KALRN: variants seen among roughly 807,000 people sequenced by gnomAD.
KALRN encodes kalirin RhoGEF kinase, also known as kalirin.
A neutral mutation model predicts 353.7 loss-of-function variants in KALRN; 70 were observed. The observed-to-expected ratio is 0.20, with a 90% CI of 0.16 to 0.24. The LOEUF (loss-of-function observed/expected upper bound fraction) is 0.24, where lower values mean the gene tolerates loss of function less well. KALRN is among the 10% of genes least tolerant of loss of function. The probability of loss-of-function intolerance (pLI) is 1.00; values close to 1 mark genes in which losing one functional copy is unlikely to be tolerated. For synonymous variants in KALRN, 1,391 were observed against 1,434.8 expected (o/e 0.97, Z 0.69); for missense variants, 2,791 against 3,756.7 (o/e 0.74, Z 6.72).
intron 59 of KALRN, 32 bp downstream of exon 59, chr3:124,717,417 TG>T (rs2063184532): frequency 1.3e-6 from 2 of 1,538,298 alleles, no homozygotes; most frequent in Non-Finnish European, 8.8e-7. Context: ...CTGGGCGCAG[TG>T]GCTCACGCCT....
chr3:124,153,371 C>T lies in KALRN; in HGVS notation c.74-74619C>T, dbSNP rs1266182681. 7.4e-5 allele frequency among the ~76,000 whole-genome samples: 11 copies of T among 147,944 alleles called. No individual in the cohort carries two copies. In the South Asian group the frequency reaches 1.6e-3, roughly 21 times the overall value. On this transcript the variant is annotated intron_variant, in intron 1 of 59. Coordinates refer to ENST00000682506, the MANE Select transcript of KALRN (RefSeq NM_001388419.1). ...CTATGAGTGAGAACATGCGGTGTTT[C>T]GTTTTTTGTCCTTGCGATAGTTTAC...
intron 34 of KALRN, among the ~76,000 whole-genome samples, chr3:124,613,739 A>G (rs2149586655): frequency 6.6e-6 from 1 of 152,302 alleles, no homozygotes; most frequent in African/African-American, 2.4e-5. Flanking sequence ...CTCATCACCT[A>G]CTTGCCATTT....
intron 48 of KALRN, among the ~76,000 whole-genome samples, chr3:124,673,252 A>G (rs1487097555): frequency 6.6e-6 from 1 of 151,482 alleles, no homozygotes; most frequent in Non-Finnish European, 1.5e-5. Context: ...AAAATTAGCC[A>G]GGCACGGTAG....
intron 34 of KALRN, among the ~76,000 whole-genome samples, chr3:124,606,792 T>A (rs189374780): frequency 5.3e-5 from 8 of 152,266 alleles, no homozygotes; most frequent in Non-Finnish European, 4.4e-5. Flanking sequence ...AAAAAGCTAA[T>A]TAACCCAATA....
intron 14 of KALRN, among the ~76,000 whole-genome samples, chr3:124,421,524 A>T (rs2092781922): frequency 6.6e-6 from 1 of 152,204 alleles, no homozygotes; most frequent in Admixed American, 6.5e-5. Flanking sequence ...TGAGGTAGGT[A>T]GGTATGTAAA....
At chr3:124,409,701 T>C (rs2091961543) in intron 13 of KALRN, among the ~76,000 whole-genome samples, 1 of 152,178 alleles carries the variant, frequency 6.6e-6, no homozygotes, top group African/African-American at 2.4e-5. Flanking sequence ...AAACAACTAT[T>C]TTTCTTTTTA....
intron 59 of KALRN, among the ~76,000 whole-genome samples, chr3:124,718,523 G>A (rs751199954): frequency 6.6e-6 from 1 of 152,174 alleles, no homozygotes; most frequent in Non-Finnish European, 1.5e-5. Context: ...CATCTGGTGT[G>A]AGAGAAGGTA....
At chr3:124,338,268 C>A (rs1649812604) in intron 9 of KALRN, among the ~76,000 whole-genome samples, 1 of 152,210 alleles carries the variant, frequency 6.6e-6, no homozygotes, top group Non-Finnish European at 1.5e-5. Flanking sequence ...CTCCTGTGGG[C>A]ATTTAGTGCT....
At chr3:124,256,700 C>T (rs1252929952) in intron 3 of KALRN, among the ~76,000 whole-genome samples, 1 of 152,180 alleles carries the variant, frequency 6.6e-6, no homozygotes, top group Admixed American at 6.5e-5. Flanking sequence ...CTGGAGCCAG[C>T]CCAGTGGGTC....
intron 34 of KALRN, among the ~76,000 whole-genome samples, chr3:124,577,823 G>T (rs1046068340): frequency 3.3e-5 from 5 of 152,036 alleles, no homozygotes; most frequent in African/African-American, 1.2e-4. Flanking sequence ...TTATGCCACT[G>T]CACTTCAGCC....
rs2062769618 is a variant in KALRN, at chr3:124,488,206, A to G, written c.4287A>G (p.Glu1429=). The G allele has an allele frequency of 6.2e-7, 1 of 1,609,556 alleles. No individual in the cohort carries two copies. The highest frequency in any genetic ancestry group is 1.7e-5 in the Admixed American group (1 of 59,670). Residue 1429 remains glutamate (E), a splice_region_variant and synonymous_variant, in exon 29 of 60, where the codon GAA becomes GAG. Transcript: ENST00000682506. ...RITKYQLLLK[E]LLTCCEEGKG... The stretch of plus-strand genomic sequence containing the variant: ...TGTCCGGACTTTTTTTTCCCCAGGA[A>G]CTTTTAACTTGCTGTGAAGAAGGGA...
intron 5 of KALRN, among the ~76,000 whole-genome samples, chr3:124,292,427 T>C (rs1053831435): frequency 3.3e-5 from 5 of 151,550 alleles, no homozygotes; most frequent in Admixed American, 6.6e-5. Flanking sequence ...ATAGTGAGAG[T>C]TGAGGTGTAG....
At position 124,398,584 on chromosome 3, in the gene KALRN, G is replaced by T. The variant is rs1189890155; in HGVS notation, c.2172-113G>T. 6 of 1,013,446 alleles carry T rather than the reference G, an allele frequency of 5.9e-6. No individual in the cohort carries two copies. The East Asian group carries it at 1.4e-4, about 24-fold the overall frequency. The allele number at this position is 1,013,446 out of a possible 1,614,324, so 62.8% of individuals were successfully genotyped here. A position where few individuals can be genotyped will look rare whatever the true frequency, so the allele number is the denominator to read the frequency against. On this transcript the variant is annotated intron_variant, in intron 12 of 59. Transcript: ENST00000682506. Reference sequence around the variant, plus strand: ...TTTGATAAATGTCTGTTGATTGAATGACTCAACTGATTCACATCCACCTTG... The same window carrying T: ...TTTGATAAATGTCTGTTGATTGAATTACTCAACTGATTCACATCCACCTTG...
At chr3:124,595,755 C>G (rs1228190947) in intron 34 of KALRN, among the ~76,000 whole-genome samples, 2 of 152,184 alleles carry the variant, frequency 1.3e-5, no homozygotes, top group Non-Finnish European at 2.9e-5. Context: ...GAAACATCCT[C>G]TAGTACCAAG....
chr3:124,288,117 C>T (rs2076116378), intron 5 of KALRN, among the ~76,000 whole-genome samples: 1 of 151,984 alleles, frequency 6.6e-6, no homozygotes, highest in African/African-American at 2.4e-5. Context: ...TCAGGTAATC[C>T]ACCTGCCTTG....
chr3:124,208,660 T>C, intron 1 of KALRN, among the ~76,000 whole-genome samples: 1 of 152,040 alleles, frequency 6.6e-6, no homozygotes, highest in South Asian at 2.1e-4. Context: ...CAAAATAGAT[T>C]AATTCATATA....
At chr3:124,405,197 A>C (rs76388195) in intron 13 of KALRN, among the ~76,000 whole-genome samples, 10 of 152,340 alleles carry the variant, frequency 6.6e-5, no homozygotes, top group Non-Finnish European at 1.5e-4. Flanking sequence ...CCTTTTTTAA[A>C]AAAATCAGGA....
chr3:124,494,732 T>C (rs1034074571), intron 32 of KALRN, among the ~76,000 whole-genome samples: 1 of 152,206 alleles, frequency 6.6e-6, no homozygotes, highest in Non-Finnish European at 1.5e-5. Context: ...GGTACTTGCA[T>C]ACACACACAC....
chr3:124,286,127 C>CTTTCTTTCTTTCTTTCT (rs2075860957), intron 5 of KALRN, among the ~76,000 whole-genome samples: 1 of 144,168 alleles, frequency 6.9e-6, no homozygotes, highest in Non-Finnish European at 1.5e-5. Context: ...TTCTTTCTTT[C>CTTTCTTTCTTTCTTTCT]TTTCTTTCTT....
Sources: gnomAD v4.1 joint callset for allele counts (sites outside exome capture counted in the v4.1 genomes callset) on GRCh38, gnomAD v4.1.1 for gene constraint, MANE v1.5 for transcripts, NCBI Gene and HGNC (gene_info 2026-07-23, HGNC 2026-07-21) for gene names.